The following GFM1 variants were observed in gnomAD, a reference collection of about 807,000 sequenced individuals.
GFM1 encodes the protein G elongation factor mitochondrial 1.
GFM1 carries 62 observed loss-of-function variants against 96.2 expected under a neutral mutation model. The observed-to-expected ratio is 0.64, with a 90% CI of 0.53 to 0.80. GFM1 has a LOEUF of 0.80. Among genes scored for constraint, GFM1 ranks in the 30% least tolerant of loss-of-function variants. The pLI is 0.00. For missense variants in GFM1, 852 were observed against 916.6 expected, an observed-to-expected ratio of 0.93 and a Z score of 0.91; for synonymous variants, 282 against 312.9, an observed-to-expected ratio of 0.90 and a Z score of 1.04.
At position 158,690,340 on chromosome 3, in the gene GFM1, A is replaced by C. The variant is rs1726212255; in HGVS notation, c.2070+17A>C. Reference sequence around the variant, plus strand: ...TATGCAGATGTAAGTAGTCTTGGTCATTGGCAGTCCTGCTTTTATTAACCA... The same window carrying C: ...TATGCAGATGTAAGTAGTCTTGGTCCTTGGCAGTCCTGCTTTTATTAACCA... On this transcript the variant is annotated intron_variant, in intron 16 of 17. Transcript: ENST00000486715. 1 of 1,611,004 alleles carries C rather than the reference A, an allele frequency of 6.2e-7. No individual in the cohort carries two copies. Among genetic ancestry groups the C allele is most frequent in the Admixed American group, 1.7e-5 (1 of 59,990 alleles).
intron 13 of GFM1, 191 bp downstream of exon 13, chr3:158,666,577 G>A (rs1354532761): frequency 7.1e-7 from 1 of 1,404,662 alleles, no homozygotes; most frequent in Non-Finnish European, 1.0e-6. Flanking sequence ...GGCCTCATAA[G>A]CTAGATGCCA....
Position 158,649,177 on chromosome 3 carries a change from T to G in GFM1, c.689+20T>G, listed in dbSNP as rs767650612. 5 of 957,948 alleles carry G rather than the reference T, an allele frequency of 5.2e-6. No homozygotes were observed. The highest frequency in any genetic ancestry group is 2.8e-4 in the Middle Eastern group (1 of 3,558). The allele number at this position is 957,948 out of a possible 1,614,324, so 59.3% of individuals were successfully genotyped here. Reference sequence around the variant, plus strand: ...CTTTGGGTAAGTGCTAAAAATACATTATTAAAATTTTAAATTTTAAAAAGC... The same window carrying G: ...CTTTGGGTAAGTGCTAAAAATACATGATTAAAATTTTAAATTTTAAAAAGC... On this transcript the variant is annotated intron_variant, in intron 5 of 17. Coordinates refer to ENST00000486715, the MANE Select transcript of GFM1 (RefSeq NM_024996.7).
At chr3:158,653,552 A>G in intron 7 of GFM1, 85 bp downstream of exon 7, 1 of 1,008,184 alleles carries the variant, frequency 9.9e-7, no homozygotes, top group Non-Finnish European at 1.5e-6. Flanking sequence ...TAGTTCTTTT[A>G]ATTATGTCTG....
intron 3 of GFM1, 106 bp from the exon 4 acceptor site, chr3:158,646,637 T>C (rs1056971176): frequency 2.0e-6 from 2 of 1,000,848 alleles, no homozygotes; most frequent in Non-Finnish European, 3.1e-6. Context: ...TCTACATTCT[T>C]ATTAGAAGAC....
chr3:158,686,287 A>G (rs943715568), intron 15 of GFM1, among the ~76,000 whole-genome samples: 12 of 148,112 alleles, frequency 8.1e-5, no homozygotes, highest in African/African-American at 2.9e-4. Flanking sequence ...TAAACCATAT[A>G]AAGTATATAT....
chr3:158,686,960 C>T (rs1048706238), intron 15 of GFM1, among the ~76,000 whole-genome samples: 7 of 151,466 alleles, frequency 4.6e-5, no homozygotes, highest in Non-Finnish European at 7.4e-5. Flanking sequence ...CTTGAACTCC[C>T]GACATCAAGT....
intron 1 of GFM1, 136 bp from the exon 2 acceptor site, chr3:158,645,493 C>T: frequency 1.3e-6 from 1 of 747,776 alleles, no homozygotes; most frequent in South Asian, 1.5e-5. Flanking sequence ...TTAAAGGTTT[C>T]CCCTGGTGCC....
intron 6 of GFM1, 116 bp from the exon 7 acceptor site, chr3:158,653,194 G>C (rs1722434794): frequency 1.3e-6 from 1 of 793,832 alleles, no homozygotes; most frequent in Non-Finnish European, 2.0e-6. Context: ...GTCTCTATTA[G>C]AGTCAGCACT....
At position 158,684,662 on chromosome 3, in the gene GFM1, A is replaced by C; in HGVS notation, c.1903A>C (p.Lys635Gln). The C allele has an allele frequency of 6.2e-7, 1 of 1,614,052 alleles. No homozygotes were observed. Among genetic ancestry groups the C allele is most frequent in the South Asian group, 1.1e-5 (1 of 91,084 alleles). Reference protein sequence around the residue: ...SFIRAGEGALKQALANATLCI... With the variant: ...SFIRAGEGALQQALANATLCI... Reference sequence around the variant, plus strand: ...CATCCGAGCAGGAGAAGGTGCTCTTAAACAAGGTATGCTGGGTCCGGGCAC... The same window carrying C: ...CATCCGAGCAGGAGAAGGTGCTCTTCAACAAGGTATGCTGGGTCCGGGCAC... Residue 635 changes from lysine to glutamine, a missense_variant, in exon 15 of 18, where the codon AAA becomes CAA. Physicochemically the swap from Lys to Gln is moderately conservative, Grantham distance 53. Transcript: ENST00000486715.
chr3:158,645,118 TAAAAC>T (rs1721657914), intron 1 of GFM1, among the ~76,000 whole-genome samples: 1 of 152,154 alleles, frequency 6.6e-6, no homozygotes, highest in African/African-American at 2.4e-5. Context: ...AGAGTAAAGT[TAAAAC>T]AAGCTTCATG....
chr3:158,681,098 A>G (rs554224773), intron 13 of GFM1, among the ~76,000 whole-genome samples: 1 of 152,324 alleles, frequency 6.6e-6, no homozygotes, highest in South Asian at 2.1e-4. Context: ...GTAAGCTAGC[A>G]TCTCCTACCA....
intron 7 of GFM1, 135 bp downstream of exon 7, chr3:158,653,602 G>A (rs1175658755): frequency 4.3e-6 from 3 of 695,360 alleles, no homozygotes; most frequent in African/African-American, 3.6e-5. Context: ...TTTTTATTTG[G>A]GTAACAATTT....
Position 158,693,007 on chromosome 3 carries a change from A to G in GFM1, c.*1540A>G, listed in dbSNP as rs904200092. ...CATGCCTGGCTGCTAAATACTTTAA[A>G]TGCATTGTATAATTTCATTCTCACA... On this transcript the variant is annotated 3_prime_UTR_variant, in exon 18 of 18. Coordinates refer to ENST00000486715, the MANE Select transcript of GFM1 (RefSeq NM_024996.7). The G allele has an allele frequency of 3.3e-5, 5 of 152,132 alleles. No individual in the cohort carries two copies. Among genetic ancestry groups the G allele is most frequent in the Middle Eastern group, 3.2e-3 (1 of 316 alleles). 9.4% of individuals were successfully genotyped at this position (152,132 alleles called of 1,614,324 possible).
intron 1 of GFM1, chr3:158,644,988 T>G: frequency 6.7e-6 from 3 of 444,946 alleles, no homozygotes; most frequent in Non-Finnish European, 1.2e-5. Context: ...AGGTTTTTTT[T>G]TTTTTTTTTT....
chr3:158,665,600 C>A (rs1723599366), intron 12 of GFM1, 126 bp downstream of exon 12: 2 of 795,298 alleles, frequency 2.5e-6, no homozygotes, highest in Non-Finnish European at 4.3e-6. Context: ...TGGTTTGTAT[C>A]CAGATGTGGT....
chr3:158,673,729 C>T (rs1056336696), intron 13 of GFM1, among the ~76,000 whole-genome samples: 5 of 151,906 alleles, frequency 3.3e-5, no homozygotes, highest in Non-Finnish European at 5.9e-5. Context: ...GTCTCAAACT[C>T]CTGACCTCAG....
At chr3:158,675,058 G>A (rs939176005) in intron 13 of GFM1, among the ~76,000 whole-genome samples, 1 of 152,160 alleles carries the variant, frequency 6.6e-6, no homozygotes, top group Non-Finnish European at 1.5e-5. Flanking sequence ...GGAGGCCAAC[G>A]CAGGTGGGTC....
At chr3:158,658,077 A>G (rs1159127571) in intron 8 of GFM1, among the ~76,000 whole-genome samples, 1 of 151,928 alleles carries the variant, frequency 6.6e-6, no homozygotes, top group African/African-American at 2.4e-5. Flanking sequence ...TTAAGCCTAT[A>G]ATTAACATGG....
At position 158,645,563 on chromosome 3, in the gene GFM1, C is replaced by T. The variant is rs1721704244; in HGVS notation, c.82-66C>T. On this transcript the variant is annotated intron_variant, in intron 1 of 17. Coordinates refer to ENST00000486715, the MANE Select transcript of GFM1 (RefSeq NM_024996.7). ...TGGAGGAATAATGTCCACCATACTC[C>T]TTTTAATTGTCTGTTGTTCTCTCTT... The T allele has an allele frequency of 2.2e-6, 3 of 1,338,418 alleles. No individual in the cohort carries two copies. In the Admixed American group the frequency reaches 5.1e-5, roughly 23 times the overall value. 82.9% of individuals were successfully genotyped at this position (1,338,418 alleles called of 1,614,324 possible).
Sources: gnomAD v4.1 joint callset for allele counts (sites outside exome capture counted in the v4.1 genomes callset) on GRCh38, gnomAD v4.1.1 for gene constraint, MANE v1.5 for transcripts, NCBI Gene and HGNC (gene_info 2026-07-23, HGNC 2026-07-21) for gene names.